The following MYLK variants were observed in gnomAD, a reference collection of about 807,000 sequenced individuals.
The protein encoded by MYLK is myosin light chain kinase, smooth muscle.
A neutral mutation model predicts 203.4 loss-of-function variants in MYLK; 106 were observed. That is an observed-to-expected ratio of 0.52 (90% CI 0.45 to 0.61). The LOEUF (loss-of-function observed/expected upper bound fraction) is 0.61. MYLK is among the 20% of genes least tolerant of loss of function. The pLI is 0.00. For missense variants in MYLK, 2,072 were observed against 2,442.3 expected (o/e 0.85, Z 3.20); for synonymous variants, 867 against 959.5 (o/e 0.90, Z 1.78).
At chr3:123,833,439 T>C (rs2066396948) in intron 2 of MYLK, among the ~76,000 whole-genome samples, 1 of 152,106 alleles carries the variant, frequency 6.6e-6, no homozygotes. Context: ...CACCTGGCCC[T>C]TCATTCTCAG....
chr3:123,711,237 T>C (rs1293752608), intron 13 of MYLK, among the ~76,000 whole-genome samples: 1 of 152,084 alleles, frequency 6.6e-6, no homozygotes, highest in East Asian at 1.9e-4. Context: ...TAAAGGGGCA[T>C]GAGGAAACAT....
intron 19 of MYLK, among the ~76,000 whole-genome samples, chr3:123,686,794 C>T (rs1488442559): frequency 6.6e-6 from 1 of 152,134 alleles, no homozygotes; most frequent in East Asian, 1.9e-4. Context: ...CATGTATGCA[C>T]GGTGCTAAGT....
At chr3:123,634,553 G>A (rs999746126) in intron 29 of MYLK, among the ~76,000 whole-genome samples, 3 of 152,190 alleles carry the variant, frequency 2.0e-5, no homozygotes, top group Admixed American at 6.5e-5. Context: ...TCTGCACCAC[G>A]GTGGGTGTTG....
intron 10 of MYLK, 65 bp downstream of exon 10, chr3:123,733,622 A>C (rs2062564157): frequency 2.5e-6 from 4 of 1,590,586 alleles, no homozygotes; most frequent in Non-Finnish European, 3.4e-6. Context: ...TGGGTGCTGA[A>C]GGAAGGGAGT....
At position 123,852,340 on chromosome 3, in the gene MYLK, C is replaced by T. The variant is rs1221256393; in HGVS notation, c.-126-20670G>A. Among the ~76,000 whole-genome samples the T allele has an allele frequency of 1.1e-4, 16 of 152,250 alleles. No individual in the cohort carries two copies. In the East Asian group the frequency reaches 3.1e-3, roughly 29 times the overall value. On this transcript the variant is annotated intron_variant, in intron 2 of 33. Coordinates refer to ENST00000360304, the MANE Select transcript of MYLK (RefSeq NM_053025.4). Reference sequence around the variant, plus strand: ...TCCTTGTACCTCTGGTAGAATTCGGCTGTGAATCCGTCTGGTCCTGGACTT... The same window carrying T: ...TCCTTGTACCTCTGGTAGAATTCGGTTGTGAATCCGTCTGGTCCTGGACTT...
intron 4 of MYLK, among the ~76,000 whole-genome samples, chr3:123,781,063 T>C (rs1245606557): frequency 6.6e-6 from 1 of 152,072 alleles, no homozygotes; most frequent in Non-Finnish European, 1.5e-5. Context: ...GAAAGGATGA[T>C]GGAAGTCCAA....
At chr3:123,789,921 T>C (rs904545792) in intron 4 of MYLK, among the ~76,000 whole-genome samples, 12 of 152,206 alleles carry the variant, frequency 7.9e-5, no homozygotes, top group African/African-American at 2.7e-4. Context: ...TTCTCTCCTA[T>C]TCATTCCCTT....
chr3:123,748,364 A>T (rs2063085506), intron 5 of MYLK, among the ~76,000 whole-genome samples: 1 of 152,248 alleles, frequency 6.6e-6, no homozygotes. Flanking sequence ...TTTCAACATG[A>T]GACTTGGAAG....
chr3:123,835,212 G>C, intron 2 of MYLK, among the ~76,000 whole-genome samples: 1 of 152,184 alleles, frequency 6.6e-6, no homozygotes, highest in East Asian at 1.9e-4. Flanking sequence ...GAAACTCTGG[G>C]TGTGGGGCTG....
intron 2 of MYLK, among the ~76,000 whole-genome samples, chr3:123,857,519 T>C (rs920730717): frequency 4.1e-4 from 62 of 151,828 alleles, no homozygotes; most frequent in African/African-American, 1.5e-3. Flanking sequence ...AAATTGGAAA[T>C]CATCATTCTC....
Position 123,679,344 on chromosome 3 carries a change from C to T in MYLK, c.3652+2880G>A, listed in dbSNP as rs116281319. On this transcript the variant is annotated intron_variant, in intron 20 of 33. Transcript: ENST00000360304. ...AAAACAAAACAAGACATCTCCTTCA[C>T]TTCCCATCTCTGGGCAGCTGCCTTC... 8.5e-3 allele frequency among the ~76,000 whole-genome samples: 1,295 copies of T among 151,778 alleles called. 18 individuals carry two copies. The highest frequency in any genetic ancestry group is 0.029 in the African/African-American group (1,210 of 41,408).
At chr3:123,735,643 C>A in intron 8 of MYLK, 2 of 543,334 alleles carry the variant, frequency 3.7e-6, no homozygotes, top group South Asian at 2.3e-5. Flanking sequence ...TGCTACCATA[C>A]CCTGAGGGCA....
intron 7 of MYLK, 21 bp downstream of exon 7, chr3:123,738,876 C>G (rs778171962): frequency 1.2e-6 from 2 of 1,601,266 alleles, no homozygotes; most frequent in Admixed American, 3.4e-5. Flanking sequence ...GGATCAGGGT[C>G]AGGGCAGACA....
At chr3:123,653,420 T>G (rs2059284302) in intron 24 of MYLK, among the ~76,000 whole-genome samples, 1 of 152,198 alleles carries the variant, frequency 6.6e-6, no homozygotes. Flanking sequence ...ACTTGCCAAC[T>G]GTTCTGCCCT....
At chr3:123,625,263 T>C (rs1411810727) in intron 31 of MYLK, 1 of 152,208 alleles carries the variant, frequency 6.6e-6, no homozygotes, top group Non-Finnish European at 1.5e-5. Context: ...CCCATGGCTA[T>C]GGAGAACTAT....
In MYLK at chr3:123,629,377, G is replaced by T; in HGVS notation, c.5114+97C>A. The T allele has an allele frequency of 2.7e-6, 4 of 1,471,644 alleles. No individual in the cohort carries two copies. The South Asian group carries it at 3.5e-5, about 13-fold the overall frequency. The allele number at this position is 1,471,644 out of a possible 1,614,324, so 91.2% of individuals were successfully genotyped here. On this transcript the variant is annotated intron_variant, in intron 30 of 33. Coordinates refer to ENST00000360304, the MANE Select transcript of MYLK (RefSeq NM_053025.4). The surrounding 1 kb of genome is among the most constrained non-coding windows in gnomAD (Gnocchi z 4.4). ...TGCTAGGAACGACCCAAGGCGGGGT[G>T]GCAAGGAGGGCACCCCAACAGGCAA...
chr3:123,619,032 TC>T (rs1286232781), intron 32 of MYLK, among the ~76,000 whole-genome samples: 10 of 152,086 alleles, frequency 6.6e-5, no homozygotes. Flanking sequence ...AAAGAGGAAA[TC>T]ATCTTTAAAA....
At position 123,653,238 on chromosome 3, in the gene MYLK, A is replaced by AAC. The variant is rs143287699; in HGVS notation, c.4288+3886_4288+3887dup. 1.8e-4 allele frequency among the ~76,000 whole-genome samples: 28 copies of AAC among 151,486 alleles called. No homozygotes were observed. In the East Asian group the frequency reaches 2.7e-3, roughly 15 times the overall value. Reference sequence around the variant, plus strand: ...TGTCACTTGATCCCACCTCTCTGCCAACACACACACACACACGTGCGTGAA... The same window carrying AAC: ...TGTCACTTGATCCCACCTCTCTGCCAACACACACACACACACACGTGCGTGAA... On this transcript the variant is annotated intron_variant, in intron 24 of 33. Transcript: ENST00000360304.
At chr3:123,828,148 A>G (rs2148611953) in intron 3 of MYLK, among the ~76,000 whole-genome samples, 1 of 152,272 alleles carries the variant, frequency 6.6e-6, no homozygotes, top group South Asian at 2.1e-4. Context: ...AAATAGCCAA[A>G]GCAGTCCCGA....
Sources: gnomAD v4.1 joint callset for allele counts (sites outside exome capture counted in the v4.1 genomes callset) on GRCh38, gnomAD v4.1.1 for gene constraint, Gnocchi (gnomAD v3.1) non-coding constraint, MANE v1.5 for transcripts, NCBI Gene and HGNC (gene_info 2026-07-23, HGNC 2026-07-21) for gene names.